The following CPS1 variants were observed in gnomAD, a reference collection of about 807,000 sequenced individuals.
CPS1 encodes carbamoyl-phosphate synthase [ammonia], mitochondrial.
In CPS1, 109 loss-of-function variants were observed where a neutral mutation model predicts 174.6. The ratio of observed to expected loss-of-function variants is 0.62; its 90% CI spans 0.53 to 0.73. The LOEUF is 0.73. Among genes scored for constraint, CPS1 ranks in the 30% least tolerant of loss-of-function variants. CPS1 has a pLI of 0.00. For missense variants in CPS1, 1,689 were observed against 1,821.9 expected, an observed-to-expected ratio of 0.93 and a Z score of 1.33; for synonymous variants, 637 against 632.0, an observed-to-expected ratio of 1.01 and a Z score of -0.12.
intron 1 of CPS1, among the ~76,000 whole-genome samples, chr2:210,501,186 A>G (rs1695129905): frequency 6.6e-6 from 1 of 151,952 alleles, no homozygotes; most frequent in African/African-American, 2.4e-5. Flanking sequence ...CCAGGAAACC[A>G]TATTTTCCTC....
chr2:210,668,731 T>C (rs1701190524), intron 34 of CPS1, among the ~76,000 whole-genome samples: 2 of 152,266 alleles, frequency 1.3e-5, no homozygotes, highest in Middle Eastern at 3.4e-3. Flanking sequence ...CTATAGTACC[T>C]ACTCTTCTAT....
chr2:210,577,602 A>C, intron 4 of CPS1, 92 bp downstream of exon 4: 1 of 945,462 alleles, frequency 1.1e-6, no homozygotes, highest in Non-Finnish European at 1.8e-6. Context: ...GAGGAAGATC[A>C]TGTAGTTTGG....
At chr2:210,523,818 C>T (rs1032212506) in intron 1 of CPS1, among the ~76,000 whole-genome samples, 3 of 151,900 alleles carry the variant, frequency 2.0e-5, no homozygotes, top group African/African-American at 7.2e-5. Flanking sequence ...CAGAGATGGA[C>T]TGGAAAAGAT....
intron 13 of CPS1, among the ~76,000 whole-genome samples, chr2:210,596,399 G>T (rs920630146): frequency 6.6e-6 from 1 of 151,878 alleles, no homozygotes; most frequent in Non-Finnish European, 1.5e-5. Flanking sequence ...AGTCAGCATA[G>T]AATGGCAACA....
intron 21 of CPS1, among the ~76,000 whole-genome samples, chr2:210,632,607 T>C (rs1222388067): frequency 6.6e-6 from 1 of 152,120 alleles, no homozygotes; most frequent in Non-Finnish European, 1.5e-5. Flanking sequence ...AGGAGTACCT[T>C]GTGGAATTAG....
intron 24 of CPS1, 55 bp from the exon 25 acceptor site, chr2:210,642,429 G>T: frequency 6.3e-7 from 1 of 1,596,268 alleles, no homozygotes; most frequent in South Asian, 1.1e-5. Context: ...GCTTCTCTTT[G>T]TATTGTAACT....
upstream of CPS1, among the ~76,000 whole-genome samples, chr2:210,554,273 A>G (rs1017618900): frequency 1.4e-4 from 21 of 149,508 alleles, no homozygotes; most frequent in Non-Finnish European, 2.8e-4. Flanking sequence ...ATATGTATGT[A>G]TATATATACA....
At chr2:210,647,789 G>GA (rs1349037760) in intron 25 of CPS1, 74 bp from the exon 26 acceptor site, 2 of 1,491,484 alleles carry the variant, frequency 1.3e-6, no homozygotes, top group African/African-American at 2.8e-5. Context: ...TAAGGAAATA[G>GA]ACACAATATT....
upstream of CPS1, among the ~76,000 whole-genome samples, chr2:210,553,906 C>G (rs569664719): frequency 6.6e-6 from 1 of 151,616 alleles, no homozygotes; most frequent in South Asian, 2.1e-4. Flanking sequence ...AAGTATGAAA[C>G]TAGCCACTAT....
At chr2:210,558,608 GGTAGGTAT>G (rs1204745225) in intron 1 of CPS1, among the ~76,000 whole-genome samples, 1 of 152,008 alleles carries the variant, frequency 6.6e-6, no homozygotes, top group African/African-American at 2.4e-5. Context: ...TCTGTGAGAA[GGTAGGTAT>G]GTAGGTAAGG....
In CPS1 at chr2:210,668,210, C is replaced by T. The variant is rs778944598; in HGVS notation, c.4027C>T (p.His1343Tyr). ...GEVACFGEGI[H>Y]TAFLKAMLST... ...GGTGGCTTGCTTTGGTGAAGGTATT[C>T]ATACAGCCTTCCTAAAGGCAATGCT... The change falls in exon 34 of 38, where the codon CAT (histidine) becomes TAT (tyrosine). Residue 1343 changes from histidine to tyrosine, a missense_variant. Transcript: ENST00000233072. The T allele has an allele frequency of 6.2e-6, 10 of 1,613,308 alleles. No individual in the cohort carries two copies. Among genetic ancestry groups the T allele is most frequent in the Non-Finnish European group, 8.5e-6 (10 of 1,179,706 alleles).
intron 1 of CPS1, among the ~76,000 whole-genome samples, chr2:210,565,606 A>G (rs559445549): frequency 2.0e-5 from 3 of 152,358 alleles, no homozygotes; most frequent in African/African-American, 7.2e-5. Context: ...TATTGGTTCA[A>G]AAGTTTAAAC....
intron 1 of CPS1, among the ~76,000 whole-genome samples, chr2:210,547,536 A>T (rs948972461): frequency 6.6e-6 from 1 of 152,046 alleles, no homozygotes; most frequent in Admixed American, 6.6e-5. Context: ...AAAGAATTAT[A>T]TAGTCTAGTG....
chr2:210,514,844 C>T (rs1460286839), intron 1 of CPS1, among the ~76,000 whole-genome samples: 1 of 141,616 alleles, frequency 7.1e-6, no homozygotes, highest in East Asian at 2.1e-4. Context: ...ATAGATGACT[C>T]TTCTTATTTT....
At chr2:210,557,628 G>T (rs1186537989) in intron 1 of CPS1, among the ~76,000 whole-genome samples, 1 of 152,054 alleles carries the variant, frequency 6.6e-6, no homozygotes, top group African/African-American at 2.4e-5. Context: ...GAAGCCTGAA[G>T]TTACTCCATA....
At chr2:210,558,999 G>C (rs1697013113) in intron 1 of CPS1, among the ~76,000 whole-genome samples, 1 of 151,968 alleles carries the variant, frequency 6.6e-6, no homozygotes, top group African/African-American at 2.4e-5. Flanking sequence ...TCACAATAGT[G>C]AATTAAAATT....
At chr2:210,618,255 G>A (rs1199498125) in intron 21 of CPS1, 2 of 151,814 alleles carry the variant, frequency 1.3e-5, no homozygotes, top group African/African-American at 2.4e-5. Flanking sequence ...TCCATTTTCT[G>A]GCATAAATAT....
At chr2:210,484,314 C>T (rs147821018) in intron 1 of CPS1, among the ~76,000 whole-genome samples, 131 of 152,170 alleles carry the variant, frequency 8.6e-4, no homozygotes, top group African/African-American at 3.2e-3. Flanking sequence ...AGCTGGAGCA[C>T]AGAGAGGGGT....
At chr2:210,649,596 C>A (rs1281776100) in intron 27 of CPS1, among the ~76,000 whole-genome samples, 1 of 152,144 alleles carries the variant, frequency 6.6e-6, no homozygotes, top group East Asian at 1.9e-4. Context: ...TAAATATATG[C>A]AATTACTATT....
Sources: gnomAD v4.1 joint callset for allele counts (sites outside exome capture counted in the v4.1 genomes callset) on GRCh38, gnomAD v4.1.1 for gene constraint, MANE v1.5 for transcripts, NCBI Gene and HGNC (gene_info 2026-07-23, HGNC 2026-07-21) for gene names.